The following DNAH14 variants were observed in gnomAD, a reference collection of about 807,000 sequenced individuals.
The protein encoded by DNAH14 is dynein axonemal heavy chain 14.
A neutral mutation model predicts 520.9 loss-of-function variants in DNAH14; 478 were observed. The ratio of observed to expected loss-of-function variants is 0.92; its 90% CI spans 0.85 to 0.99. DNAH14 has a LOEUF of 0.99. DNAH14 is among the 50% of genes least tolerant of loss of function. The pLI is 0.00. For missense variants in DNAH14, 4,831 were observed against 5,234.5 expected, an observed-to-expected ratio of 0.92 and a Z score of 2.38; for synonymous variants, 1,581 against 1,757.2, an observed-to-expected ratio of 0.90 and a Z score of 2.51.
rs529251889 is a variant in DNAH14, at chr1:225,190,185, A to C, written c.5671-2511A>C. Among the ~76,000 whole-genome samples, 13 of 152,040 alleles carry C rather than the reference A, an allele frequency of 8.6e-5. No homozygotes were observed. In the South Asian group the frequency reaches 2.3e-3, roughly 27 times the overall value. On this transcript the variant is annotated intron_variant, in intron 37 of 85. Transcript: ENST00000682510. ...ACATATCTATGATGAAGTTTAATTT[A>C]TAAATTTGACACAGTAAAAGATGAA...
intron 54 of DNAH14, among the ~76,000 whole-genome samples, chr1:225,278,604 T>A (rs1055953208): frequency 3.3e-5 from 5 of 152,226 alleles, no homozygotes; most frequent in Non-Finnish European, 5.9e-5. Flanking sequence ...TCATTTATAA[T>A]CATCTGTCTC....
intron 41 of DNAH14, among the ~76,000 whole-genome samples, chr1:225,229,653 C>A (rs890698581): frequency 6.6e-6 from 1 of 151,862 alleles, no homozygotes; most frequent in Non-Finnish European, 1.5e-5. Context: ...TCATTCTCAG[C>A]AAACTAACAC....
chr1:225,102,003 T>G, intron 23 of DNAH14, among the ~76,000 whole-genome samples: 1 of 151,044 alleles, frequency 6.6e-6, no homozygotes, highest in African/African-American at 2.4e-5. Flanking sequence ...TAACTCGTCA[T>G]TTAACATTAG....
At chr1:224,952,103 A>G (rs761667069) in intron 1 of DNAH14, among the ~76,000 whole-genome samples, 14 of 152,218 alleles carry the variant, frequency 9.2e-5, no homozygotes, top group Non-Finnish European at 1.9e-4. Flanking sequence ...GTACACGGCC[A>G]TGTAGCACAT....
At chr1:225,372,383 C>A (rs1333254902) in intron 77 of DNAH14, among the ~76,000 whole-genome samples, 1 of 152,010 alleles carries the variant, frequency 6.6e-6, no homozygotes, top group African/African-American at 2.4e-5. Context: ...GAGAAGTAGA[C>A]AATAAATCGG....
chr1:225,019,839 T>G (rs898257175), intron 10 of DNAH14, among the ~76,000 whole-genome samples: 2 of 152,086 alleles, frequency 1.3e-5, no homozygotes, highest in African/African-American at 4.8e-5. Flanking sequence ...ACCAGAATCT[T>G]CAGGACACAA....
intron 8 of DNAH14, 125 bp downstream of exon 8, chr1:224,974,278 A>G: frequency 1.9e-6 from 1 of 531,078 alleles, no homozygotes; most frequent in East Asian, 4.0e-5. Flanking sequence ...TTGCTTTACG[A>G]TTAAACTTAA....
chr1:225,332,510 T>C (rs12036489), intron 65 of DNAH14, among the ~76,000 whole-genome samples: 43,431 of 151,912 alleles, frequency 0.29, 6,513 homozygotes, highest in African/African-American at 0.35. Context: ...GCTACACCCC[T>C]TAGAAGCTTA....
At chr1:224,975,115 G>A (rs1017445476) in intron 8 of DNAH14, among the ~76,000 whole-genome samples, 25 of 151,646 alleles carry the variant, frequency 1.6e-4, no homozygotes, top group Non-Finnish European at 2.8e-4. Flanking sequence ...ATGTGCTGCT[G>A]GATTCGGTTT....
intron 49 of DNAH14, 126 bp downstream of exon 49, chr1:225,266,895 C>A: frequency 1.2e-6 from 1 of 813,688 alleles, no homozygotes; most frequent in Non-Finnish European, 1.8e-6. Flanking sequence ...ACATGTTAAG[C>A]AAAGTTGAGA....
At position 225,023,666 on chromosome 1, in the gene DNAH14, G is replaced by A; in HGVS notation, c.1159G>A (p.Asp387Asn). Residue 387 changes from aspartate to asparagine, a missense_variant, in exon 11 of 86, where the codon GAT (aspartate) becomes AAT (asparagine). Transcript: ENST00000682510. ...KEYFESKLSE[D>N]DTTHFKLPKY... ...GTATTTTGAGTCAAAACTCTCTGAAGATGACACAACACATTTCAAGCTGCC... is the reference window on the plus strand; with the variant it reads ...GTATTTTGAGTCAAAACTCTCTGAAAATGACACAACACATTTCAAGCTGCC... The A allele has an allele frequency of 6.5e-7, 1 of 1,548,424 alleles. No homozygotes were observed. Among genetic ancestry groups the A allele is most frequent in the Non-Finnish European group, 8.7e-7 (1 of 1,145,114 alleles).
At chr1:225,239,309 T>A (rs2091821806) in intron 42 of DNAH14, among the ~76,000 whole-genome samples, 1 of 152,126 alleles carries the variant, frequency 6.6e-6, no homozygotes, top group Non-Finnish European at 1.5e-5. Flanking sequence ...CCCAAGCCCC[T>A]GGTGGCATGG....
chr1:225,322,925 AT>A (rs2094583052), intron 62 of DNAH14, 102 bp downstream of exon 62: 1 of 1,189,284 alleles, frequency 8.4e-7, no homozygotes, highest in Non-Finnish European at 1.1e-6. Context: ...TGGAGAGACT[AT>A]TTTCTAGGAA....
At chr1:225,229,763 G>A (rs1303102881) in intron 41 of DNAH14, among the ~76,000 whole-genome samples, 6 of 151,642 alleles carry the variant, frequency 4.0e-5, no homozygotes, top group Admixed American at 1.3e-4. Flanking sequence ...ACTGGGGCCT[G>A]TCAGGGGTGG....
rs10572962 is a variant in DNAH14 at position 225,342,683 on chromosome 1, AACACACAC to A, written c.10678+2012_10678+2019del. On this transcript the variant is annotated intron_variant, in intron 69 of 85. Transcript: ENST00000682510. ...TTTATAGTAAGATCCATTTCTCATAAACACACACACACACACACACACACACACACACA... is the reference window on the plus strand; with the variant it reads ...TTTATAGTAAGATCCATTTCTCATAAACACACACACACACACACACACACA... Among the ~76,000 whole-genome samples, 1,294 of 148,122 alleles carry A rather than the reference AACACACAC, an allele frequency of 8.7e-3. 12 individuals carry two copies. Among genetic ancestry groups the A allele is most frequent in the African/African-American group, 0.021 (861 of 40,622 alleles).
chr1:224,949,821 T>C (rs964730702), intron 1 of DNAH14, among the ~76,000 whole-genome samples: 3 of 152,196 alleles, frequency 2.0e-5, no homozygotes, highest in Admixed American at 2.0e-4. Context: ...ATAGCATCTA[T>C]TGACTCTCTA....
rs58647843 is a variant in DNAH14 at position 225,253,342 on chromosome 1, C to T, written c.6865+925C>T. On this transcript the variant is annotated intron_variant, in intron 44 of 85. Coordinates refer to ENST00000682510, the MANE Select transcript of DNAH14 (RefSeq NM_001367479.1). ...TCCACATCTTAGTATACCACTCACA[C>T]GGGAAACCAAAGCTGTTTTCTCCAA... Among the ~76,000 whole-genome samples the T allele has an allele frequency of 5.1e-3, 775 of 152,246 alleles. 4 individuals are homozygous for T. Among genetic ancestry groups the T allele is most frequent in the African/African-American group, 0.017 (716 of 41,542 alleles).
Position 224,929,767 on chromosome 1 carries a change from G to A in DNAH14, c.-102G>A, listed in dbSNP as rs1036907096. The A allele has an allele frequency of 5.7e-6, 4 of 701,970 alleles. No homozygotes were observed. The South Asian group carries it at 5.9e-5, about 10-fold the overall frequency. The allele number at this position is 701,970 out of a possible 1,614,324, so 43.5% of individuals were successfully genotyped here. On this transcript the variant is annotated 5_prime_UTR_variant, in exon 1 of 86. Coordinates refer to ENST00000682510, the MANE Select transcript of DNAH14 (RefSeq NM_001367479.1). ...ATTCACCCTAGTCTGGCGCTCGCCG[G>A]CGTGGGCGGGCCGGACCTTCGCCGC...
intron 73 of DNAH14, 169 bp downstream of exon 73, chr1:225,354,057 C>T: frequency 1.5e-6 from 1 of 682,860 alleles, no homozygotes; most frequent in Non-Finnish European, 2.7e-6. Flanking sequence ...ATGCTTCTTT[C>T]ATGTGGAGAG....
Sources: allele counts gnomAD v4.1 joint callset (sites outside exome capture counted in the v4.1 genomes callset), GRCh38; gene constraint gnomAD v4.1.1; transcripts MANE v1.5; gene names NCBI Gene and HGNC (gene_info 2026-07-23, HGNC 2026-07-21).